The following ALDH5A1 variants were observed in gnomAD, a reference collection of about 807,000 sequenced individuals.
ALDH5A1 encodes aldehyde dehydrogenase 5 family member A1, also known as succinate-semialdehyde dehydrogenase, mitochondrial.
A neutral mutation model predicts 54.7 loss-of-function variants in ALDH5A1; 33 were observed. The ratio of observed to expected loss-of-function variants is 0.60; its 90% confidence interval spans 0.46 to 0.81. ALDH5A1 has a LOEUF of 0.81. ALDH5A1 is among the 30% of genes least tolerant of loss of function. The pLI is 0.00. For synonymous variants in ALDH5A1, 294 were observed against 292.7 expected (o/e 1.00, Z -0.05); for missense variants, 657 against 711.0 (o/e 0.92, Z 0.86).
At position 24,533,761 on chromosome 6, in the gene ALDH5A1, A is replaced by G. The variant is rs1376198043; in HGVS notation, c.*49A>G. 4 of 1,513,520 alleles carry G rather than the reference A, an allele frequency of 2.6e-6. No homozygotes were observed. Among genetic ancestry groups the G allele is most frequent in the Non-Finnish European group, 3.7e-6 (4 of 1,091,914 alleles). 93.8% of individuals were successfully genotyped at this position (1,513,520 alleles called of 1,614,324 possible). A position where few individuals can be genotyped will look rare whatever the true frequency, so the allele number is the denominator to read the frequency against. On this transcript the variant is annotated 3_prime_UTR_variant, in exon 10 of 10. Coordinates refer to ENST00000357578, the MANE Select transcript of ALDH5A1 (RefSeq NM_001080.3). ...TTTAAAAGGAGACTTATCTACATATATAGGTACATGCCATCCATTATTTTA... is the reference window on the plus strand; with the variant it reads ...TTTAAAAGGAGACTTATCTACATATGTAGGTACATGCCATCCATTATTTTA...
At chr6:24,506,088 A>C (rs72834956) in intron 4 of ALDH5A1, among the ~76,000 whole-genome samples, 39,430 of 151,426 alleles carry the variant, frequency 0.26, 5,325 homozygotes, top group Non-Finnish European at 0.28. Flanking sequence ...TTCAGTGGGC[A>C]GGGCTAGGAG....
chr6:24,526,546 A>T (rs1407938524), intron 7 of ALDH5A1, among the ~76,000 whole-genome samples: 2 of 152,050 alleles, frequency 1.3e-5, no homozygotes, highest in African/African-American at 4.8e-5. Flanking sequence ...AAGATTCGGT[A>T]CCTGAAGTAG....
intron 9 of ALDH5A1, among the ~76,000 whole-genome samples, chr6:24,533,097 T>C (rs1362137733): frequency 6.6e-6 from 1 of 152,110 alleles, no homozygotes; most frequent in Admixed American, 6.5e-5. Context: ...TGGTTGGTGA[T>C]TGGAGTAATG....
chr6:24,531,655 G>A (rs1418142986), intron 8 of ALDH5A1, among the ~76,000 whole-genome samples: 2 of 152,194 alleles, frequency 1.3e-5, no homozygotes, highest in Non-Finnish European at 2.9e-5. Flanking sequence ...TTTCAGAGAG[G>A]AGGAGACTCC....
chr6:24,533,251 C>A (rs985296561), intron 9 of ALDH5A1, among the ~76,000 whole-genome samples: 1 of 152,064 alleles, frequency 6.6e-6, no homozygotes, highest in African/African-American at 2.4e-5. Flanking sequence ...AACAGGTGTG[C>A]AGGTGGATTG....
chr6:24,499,264 C>T (rs890329838), intron 1 of ALDH5A1, among the ~76,000 whole-genome samples: 3 of 152,054 alleles, frequency 2.0e-5, no homozygotes, highest in Non-Finnish European at 4.4e-5. Context: ...TGTACTCCAG[C>T]CTGGGTGACA....
intron 4 of ALDH5A1, among the ~76,000 whole-genome samples, chr6:24,505,358 A>C (rs538960066): frequency 6.6e-6 from 1 of 152,266 alleles, no homozygotes; most frequent in African/African-American, 2.4e-5. Context: ...TGAAAACCTC[A>C]AGTGGCCTCT....
intron 1 of ALDH5A1, among the ~76,000 whole-genome samples, chr6:24,501,081 TCTTATTTTAACAGATCAAGGTAAAATG>T (rs1024764011): frequency 8.5e-5 from 13 of 152,180 alleles, no homozygotes; most frequent in African/African-American, 3.1e-4. Context: ...ATCAAAGTAA[TCTTATTTTAACAGATCAAGGTAAAATG>T]CTTATTTTAA....
chr6:24,507,033 G>T (rs1312887372), intron 4 of ALDH5A1, among the ~76,000 whole-genome samples: 1 of 152,100 alleles, frequency 6.6e-6, no homozygotes, highest in Non-Finnish European at 1.5e-5. Flanking sequence ...ATGAACATTT[G>T]TCTGTATTTT....
At position 24,503,296 on chromosome 6, in the gene ALDH5A1, C is replaced by A. The variant is rs757187379; in HGVS notation, c.472C>A (p.Leu158Ile). 2 of 1,614,068 alleles carry A rather than the reference C, an allele frequency of 1.2e-6. No homozygotes were observed. Among genetic ancestry groups the A allele is most frequent in the Admixed American group, 1.7e-5 (1 of 60,012 alleles). ...ACTGAAGGAGGCACATGGAGAAATTCTCTATTCCGCCTTTTTCCTAGAGTG... is the reference window on the plus strand; with the variant it reads ...ACTGAAGGAGGCACATGGAGAAATTATCTATTCCGCCTTTTTCCTAGAGTG... ...KPLKEAHGEI[L>I]YSAFFLEWFS... Residue 158 changes from leucine to isoleucine, a missense_variant, in exon 3 of 10, where the codon CTC becomes ATC. Transcript: ENST00000357578.
At chr6:24,526,848 A>G (rs927631780) in intron 7 of ALDH5A1, among the ~76,000 whole-genome samples, 4 of 139,760 alleles carry the variant, frequency 2.9e-5, no homozygotes, top group African/African-American at 5.7e-5. Flanking sequence ...TCTTCTCTAT[A>G]TATATATATT....
Position 24,529,670 on chromosome 6 carries a change from GTTTTTTTTTT to G in ALDH5A1, c.1343+1516_1343+1525del, listed in dbSNP as rs55878931. Among the ~76,000 whole-genome samples, 13 of 86,354 alleles carry G rather than the reference GTTTTTTTTTT, an allele frequency of 1.5e-4. No homozygotes were observed. The East Asian group carries it at 4.1e-3, about 27-fold the overall frequency. The allele number at this position is 86,354 out of a possible 152,430, so 56.7% of individuals were successfully genotyped here. A position where few individuals can be genotyped will look rare whatever the true frequency, so the allele number is the denominator to read the frequency against. The stretch of plus-strand genomic sequence containing the variant: ...ATACGGTTTTTTTGTTTTGGTTTGG[GTTTTTTTTTT>G]TTTTTTTTTTTGATGGAGTCTCGCT... On this transcript the variant is annotated intron_variant, in intron 8 of 9. Transcript: ENST00000357578.
chr6:24,514,876 G>T (rs1759532833), intron 4 of ALDH5A1, among the ~76,000 whole-genome samples: 1 of 152,080 alleles, frequency 6.6e-6, no homozygotes, highest in South Asian at 2.1e-4. Context: ...GGGCTCAAGT[G>T]ATCCTCTCAA....
At chr6:24,527,730 A>G (rs1759846208) in intron 7 of ALDH5A1, among the ~76,000 whole-genome samples, 1 of 152,230 alleles carries the variant, frequency 6.6e-6, no homozygotes, top group Non-Finnish European at 1.5e-5. Context: ...CCGCAGGCCT[A>G]GAAAGAAGCG....
In ALDH5A1 at chr6:24,536,553, G is replaced by A. The variant is rs1760052915; in HGVS notation, c.*2841G>A. 1 of 152,194 alleles carries A rather than the reference G, an allele frequency of 6.6e-6. No individual in the cohort carries two copies. Among genetic ancestry groups the A allele is most frequent in the Non-Finnish European group, 1.5e-5 (1 of 68,032 alleles). 9.4% of individuals were successfully genotyped at this position (152,194 alleles called of 1,614,324 possible). A position where few individuals can be genotyped will look rare whatever the true frequency, so the allele number is the denominator to read the frequency against. On this transcript the variant is annotated 3_prime_UTR_variant, in exon 10 of 10. Coordinates refer to ENST00000357578, the MANE Select transcript of ALDH5A1 (RefSeq NM_001080.3). ...TGATCTAGACCAAGAGGGAGATATT[G>A]ACCTTACTTGCATTTATCCGGCATT...
At chr6:24,527,507 G>A (rs1759840679) in intron 7 of ALDH5A1, among the ~76,000 whole-genome samples, 1 of 152,160 alleles carries the variant, frequency 6.6e-6, no homozygotes, top group Non-Finnish European at 1.5e-5. Flanking sequence ...GGGAGGCAGA[G>A]GTTGCAGTGA....
intron 7 of ALDH5A1, among the ~76,000 whole-genome samples, chr6:24,526,844 CTA>C (rs1344778030): frequency 8.3e-5 from 11 of 132,772 alleles, no homozygotes; most frequent in Admixed American, 3.7e-4. Flanking sequence ...TATATCTTCT[CTA>C]TATATATATA....
chr6:24,507,256 C>T (rs914774687), intron 4 of ALDH5A1, among the ~76,000 whole-genome samples: 7 of 152,046 alleles, frequency 4.6e-5, no homozygotes, highest in African/African-American at 1.4e-4. Flanking sequence ...TAAATGTTGA[C>T]AGTAGTCTGG....
intron 1 of ALDH5A1, among the ~76,000 whole-genome samples, chr6:24,497,323 G>GTTTTACAGAGCGCTGATTGGTGCA (rs1320013268): frequency 6.7e-6 from 1 of 149,388 alleles, no homozygotes; most frequent in South Asian, 2.1e-4. Context: ...TGATTGGTGC[G>GTTTTACAGAGCGCTGATTGGTGCA]TTTTACAGAG....
Sources: allele counts gnomAD v4.1 joint callset (sites outside exome capture counted in the v4.1 genomes callset), GRCh38; gene constraint gnomAD v4.1.1; transcripts MANE v1.5; gene names NCBI Gene and HGNC (gene_info 2026-07-23, HGNC 2026-07-21).